Variants in FBRSL1 observed in about 807,000 individuals in gnomAD.
The protein encoded by FBRSL1 is fibrosin like 1, also known as fibrosin-1-like protein.
A neutral mutation model predicts 89.6 loss-of-function variants in FBRSL1; 51 were observed. The observed-to-expected ratio is 0.57, with a 90% confidence interval of 0.45 to 0.72. The LOEUF is 0.72. Among genes scored for constraint, FBRSL1 ranks in the 30% least tolerant of loss-of-function variants. FBRSL1 has a pLI of 0.00. For synonymous variants in FBRSL1, 779 were observed against 681.1 expected, an observed-to-expected ratio of 1.14 and a Z score of -2.24; for missense variants, 1,618 against 1,451.8, an observed-to-expected ratio of 1.11 and a Z score of -1.86.
intron 4 of FBRSL1, among the ~76,000 whole-genome samples, chr12:132,543,338 G>A (rs1315996735): frequency 1.3e-5 from 2 of 152,156 alleles, no homozygotes; most frequent in Non-Finnish European, 2.9e-5. Context: ...GTGGGGCCAG[G>A]ACCTGCCCAC....
rs1337461406 is a variant in FBRSL1, at chr12:132,571,202, G to A, written c.1348G>A (p.Gly450Ser). 33 of 1,440,790 alleles carry A rather than the reference G, an allele frequency of 2.3e-5. No individual in the cohort carries two copies. Among genetic ancestry groups the A allele is most frequent in the African/African-American group, 1.6e-4 (11 of 69,842 alleles). The allele number at this position is 1,440,790 out of a possible 1,614,324, so 89.3% of individuals were successfully genotyped here. A position where few individuals can be genotyped will look rare whatever the true frequency, so the allele number is the denominator to read the frequency against. Reference protein sequence around the residue: ...LGPHVASGHPGLACRPRECQF... With the variant: ...LGPHVASGHPSLACRPRECQF... ...CCCGCACGTGGCGAGCGGCCACCCC[G>A]GCTTGGCCTGCCGACCCCGGGAGTG... is the stretch of plus-strand genomic sequence containing the variant. Residue 450 changes from glycine to serine, a missense_variant, in exon 9 of 19, where the codon GGC becomes AGC. By Grantham distance (56) the Gly-to-Ser change is moderately conservative. Transcript: ENST00000680143.
intron 5 of FBRSL1, among the ~76,000 whole-genome samples, chr12:132,564,644 C>G (rs1012000423): frequency 8.1e-6 from 1 of 122,950 alleles, no homozygotes; most frequent in Non-Finnish European, 1.6e-5. Flanking sequence ...TACAGGCGCC[C>G]GCCACCACGC....
chr12:132,552,758 C>G (rs979048539), intron 5 of FBRSL1: 2 of 154,228 alleles, frequency 1.3e-5, no homozygotes, highest in Non-Finnish European at 2.8e-5. Context: ...CCCCGCAGGA[C>G]AGACAGAAGG....
intron 5 of FBRSL1, among the ~76,000 whole-genome samples, chr12:132,557,398 C>G (rs2038767534): frequency 6.6e-6 from 1 of 152,208 alleles, no homozygotes; most frequent in Non-Finnish European, 1.5e-5. Flanking sequence ...TCTTTCATAT[C>G]AGAGCTACTC....
chr12:132,537,355 G>A lies in FBRSL1; in HGVS notation c.615+9367G>A, dbSNP rs1232577221. On this transcript the variant is annotated intron_variant, in intron 4 of 18. Coordinates refer to ENST00000680143, the MANE Select transcript of FBRSL1 (RefSeq NM_001367871.1). ...TGAGGTGGGTGCTTTCCCCACCCAC[G>A]TCCCATGGCGTCACAGCACAAATGC... Among the ~76,000 whole-genome samples, 13 of 151,792 alleles carry A rather than the reference G, an allele frequency of 8.6e-5. No homozygotes were observed. In the East Asian group the frequency reaches 1.4e-3, roughly 16 times the overall value.
At chr12:132,567,164 G>T (rs573041247) in intron 5 of FBRSL1, among the ~76,000 whole-genome samples, 1 of 152,080 alleles carries the variant, frequency 6.6e-6, no homozygotes, top group East Asian at 1.9e-4. Context: ...GCCAAATGCC[G>T]GCGCTCCCCC....
Position 132,570,425 on chromosome 12 carries a change from G to A in FBRSL1, c.1098G>A (p.Ala366=), listed in dbSNP as rs944839188. 65 of 1,534,728 alleles carry A rather than the reference G, an allele frequency of 4.2e-5. No individual in the cohort carries two copies. Among genetic ancestry groups the A allele is most frequent in the Admixed American group, 9.8e-5 (5 of 50,890 alleles). Residue 366 remains alanine, a synonymous_variant, in exon 8 of 19, where the codon GCG becomes GCA. Transcript: ENST00000680143. ...CCCACCTGTCTACCTCACACCTGGC[G>A]CTCCGGTCCCAGGCGCAGCACCAGC... ...PGPHLSTSHL[A]LRSQAQHQLH...
intron 1 of FBRSL1, among the ~76,000 whole-genome samples, chr12:132,492,911 G>GT (rs1346077448): frequency 6.6e-6 from 1 of 152,206 alleles, no homozygotes; most frequent in Non-Finnish European, 1.5e-5. Context: ...AAGTATGGTG[G>GT]TTTTTCCCCA....
chr12:132,576,565 T>C (rs1267313337), intron 14 of FBRSL1, among the ~76,000 whole-genome samples: 3 of 152,252 alleles, frequency 2.0e-5, no homozygotes, highest in East Asian at 1.9e-4. Context: ...CCAGCTGCCA[T>C]GTGCCAAGTA....
At chr12:132,574,810 G>A (rs1165901188) in intron 14 of FBRSL1, among the ~76,000 whole-genome samples, 1 of 152,128 alleles carries the variant, frequency 6.6e-6, no homozygotes, top group African/African-American at 2.4e-5. Context: ...TGCCGGCTGG[G>A]CCACGGGGAG....
At position 132,583,300 on chromosome 12, in the gene FBRSL1, G is replaced by C; in HGVS notation, c.2531G>C (p.Arg844Pro). 8.3e-7 allele frequency: 1 copy of C among 1,198,522 alleles called. No homozygotes were observed. Among genetic ancestry groups the C allele is most frequent in the Non-Finnish European group, 1.0e-6 (1 of 964,126 alleles). The allele number at this position is 1,198,522 out of a possible 1,614,324, so 74.2% of individuals were successfully genotyped here. A position where few individuals can be genotyped will look rare whatever the true frequency, so the allele number is the denominator to read the frequency against. The change falls in exon 19 of 19, where the codon CGC (arginine) becomes CCC (proline). Residue 844 changes from arginine to proline, a missense_variant. Coordinates refer to ENST00000680143, the MANE Select transcript of FBRSL1 (RefSeq NM_001367871.1). ...APLQLGLGRE[R>P]LGAPGFAWEP... ...CTGCAGCTCGGCCTGGGCCGCGAGC[G>C]CCTGGGCGCGCCGGGCTTCGCGTGG... is the stretch of plus-strand genomic sequence containing the variant.
intron 1 of FBRSL1, among the ~76,000 whole-genome samples, chr12:132,491,727 C>T (rs911162303): frequency 1.3e-5 from 2 of 152,258 alleles, no homozygotes; most frequent in African/African-American, 4.8e-5. Context: ...AGGGGAGATG[C>T]CTACTGCAGG....
At chr12:132,558,611 C>T (rs1349170432) in intron 5 of FBRSL1, among the ~76,000 whole-genome samples, 1 of 152,246 alleles carries the variant, frequency 6.6e-6, no homozygotes, top group African/African-American at 2.4e-5. Context: ...TGGCTGAGGC[C>T]GACCTTGGTG....
rs148880792 is a variant in FBRSL1 at position 132,541,794 on chromosome 12, G to A, written c.616-6209G>A. 2.4e-3 allele frequency among the ~76,000 whole-genome samples: 363 copies of A among 152,368 alleles called. 3 individuals are homozygous for A. The highest frequency in any genetic ancestry group is 8.2e-3 in the African/African-American group (340 of 41,586). On this transcript the variant is annotated intron_variant, in intron 4 of 18. Coordinates refer to ENST00000680143, the MANE Select transcript of FBRSL1 (RefSeq NM_001367871.1). Reference sequence around the variant, plus strand: ...CGCCCGAGCGTGCGGCCCAAATGAAGGTGGGCCCCTTGGCACTGCCATCTG... The same window carrying A: ...CGCCCGAGCGTGCGGCCCAAATGAAAGTGGGCCCCTTGGCACTGCCATCTG...
rs1425355957 is a variant in FBRSL1, at chr12:132,583,133, G to A, written c.2364G>A (p.Pro788=). The A allele has an allele frequency of 6.2e-6, 9 of 1,463,102 alleles. No homozygotes were observed. The highest frequency in any genetic ancestry group is 2.6e-5 in the South Asian group (2 of 78,330). The allele number at this position is 1,463,102 out of a possible 1,614,324, so 90.6% of individuals were successfully genotyped here. The change falls in exon 19 of 19, where the codon CCG becomes CCA. Residue 788 remains proline, a synonymous_variant. Coordinates refer to ENST00000680143, the MANE Select transcript of FBRSL1 (RefSeq NM_001367871.1). ...CTCGGGTCAAGGAGAGCCGCTCCCC[G>A]GCCAAGGAGGAGGCCGCCAAGATGC... ...AEPRVKESRS[P]AKEEAAKMPA...
At chr12:132,580,195 C>T (rs2040649887) in intron 15 of FBRSL1, among the ~76,000 whole-genome samples, 1 of 152,230 alleles carries the variant, frequency 6.6e-6, no homozygotes, top group African/African-American at 2.4e-5. Flanking sequence ...TCAAGCGATT[C>T]TCCTGCCTCA....
chr12:132,495,334 C>T (rs980844850), intron 1 of FBRSL1, among the ~76,000 whole-genome samples: 5 of 152,198 alleles, frequency 3.3e-5, no homozygotes, highest in Admixed American at 3.3e-4. Flanking sequence ...CCGAGCACCG[C>T]GTGTGGGGCC....
intron 11 of FBRSL1, 21 bp downstream of exon 11, chr12:132,572,643 TG>T: frequency 6.6e-7 from 1 of 1,522,704 alleles, no homozygotes; most frequent in Non-Finnish European, 8.9e-7. Flanking sequence ...CCCTGGCAGG[TG>T]GGGCGGGCAC....
At chr12:132,491,597 C>T (rs548153457) in intron 1 of FBRSL1, among the ~76,000 whole-genome samples, 1 of 152,350 alleles carries the variant, frequency 6.6e-6, no homozygotes, top group Admixed American at 6.5e-5. Flanking sequence ...CTTTGGGGGA[C>T]CCTCATCTGC....
Sources: gnomAD v4.1 joint callset for allele counts (sites outside exome capture counted in the v4.1 genomes callset) on GRCh38, gnomAD v4.1.1 for gene constraint, MANE v1.5 for transcripts, NCBI Gene and HGNC (gene_info 2026-07-23, HGNC 2026-07-21) for gene names.